Variants in WDFY4 observed in about 807,000 individuals in gnomAD.
WDFY4 encodes WD repeat- and FYVE domain-containing protein 4.
Under a neutral mutation model 351.9 loss-of-function variants are expected in WDFY4, and 169 were observed. The ratio of observed to expected loss-of-function variants is 0.48; its 90% CI spans 0.42 to 0.55. The LOEUF (loss-of-function observed/expected upper bound fraction) is 0.55, where lower values mean the gene tolerates loss of function less well. Ranked by LOEUF, WDFY4 falls within the 20% of genes least tolerant of loss-of-function variation. The pLI, the probability that WDFY4 is intolerant of heterozygous loss-of-function variation, is 0.00. For synonymous variants in WDFY4, 1,622 were observed against 1,574.6 expected, an observed-to-expected ratio of 1.03 and a Z score of -0.71; for missense variants, 3,803 against 3,935.6, an observed-to-expected ratio of 0.97 and a Z score of 0.90.
chr10:48,948,741 C>G (rs933069819), intron 51 of WDFY4, among the ~76,000 whole-genome samples: 5 of 152,264 alleles, frequency 3.3e-5, no homozygotes, highest in African/African-American at 9.6e-5. Context: ...ACCCCCAGCT[C>G]AAGGCTTGAT....
Position 48,900,257 on chromosome 10 carries a change from T to G in WDFY4, c.7474T>G (p.Ser2492Ala). Residue 2492 changes from serine (S) to alanine (A), a missense_variant, in exon 46 of 62, where the codon TCC becomes GCC. This residue lies in a region of WDFY4 where 3,054 missense variants were observed against 3,148.6 expected (regional missense o/e 0.97). Transcript: ENST00000325239. ...GGAGATCTTCTTCCACAATGGATAT[T>G]CCAAGTTTCTTGTCTTCTACAACAA... Reference protein sequence around the residue: ...ALEIFFHNGYSKFLVFYNNDR... With the variant: ...ALEIFFHNGYAKFLVFYNNDR... 1 of 1,551,730 alleles carries G rather than the reference T, an allele frequency of 6.4e-7. No homozygotes were observed. The highest frequency in any genetic ancestry group is 8.7e-7 in the Non-Finnish European group (1 of 1,146,976).
chr10:48,698,356 C>T (rs2063387556), intron 1 of WDFY4, among the ~76,000 whole-genome samples: 1 of 152,220 alleles, frequency 6.6e-6, no homozygotes, highest in Non-Finnish European at 1.5e-5. Flanking sequence ...AAGCTTGTGG[C>T]TGTGGCAGTG....
intron 51 of WDFY4, among the ~76,000 whole-genome samples, chr10:48,953,146 T>C (rs1295920914): frequency 6.6e-6 from 1 of 152,060 alleles, no homozygotes; most frequent in Non-Finnish European, 1.5e-5. Flanking sequence ...CCTTCTCCTT[T>C]GGAGCTCCTG....
intron 39 of WDFY4, among the ~76,000 whole-genome samples, chr10:48,841,265 TC>T (rs1373440667): frequency 6.6e-6 from 1 of 152,240 alleles, no homozygotes; most frequent in Non-Finnish European, 1.5e-5. Flanking sequence ...CACAGACTGT[TC>T]CATTGATATA....
intron 46 of WDFY4, among the ~76,000 whole-genome samples, chr10:48,901,191 A>G (rs75157408): frequency 0.016 from 2,488 of 152,358 alleles, 70 homozygotes; most frequent in African/African-American, 0.055. Context: ...CCTTGGACTC[A>G]GGTGAGCCTG....
At chr10:48,859,466 G>C (rs2069259055) in intron 39 of WDFY4, among the ~76,000 whole-genome samples, 1 of 152,122 alleles carries the variant, frequency 6.6e-6, no homozygotes, top group African/African-American at 2.4e-5. Flanking sequence ...TGTATCACTT[G>C]ATATGACCAT....
Position 48,786,924 on chromosome 10 carries a change from C to T in WDFY4, c.3808+54C>T, listed in dbSNP as rs986432550. The T allele has an allele frequency of 3.4e-6, 5 of 1,464,320 alleles. No individual in the cohort carries two copies. In the African/African-American group the frequency reaches 5.6e-5, roughly 17 times the overall value. The allele number at this position is 1,464,320 out of a possible 1,614,324, so 90.7% of individuals were successfully genotyped here. A position where few individuals can be genotyped will look rare whatever the true frequency, so the allele number is the denominator to read the frequency against. ...TTGCTGATATTAGTTTTTAAATGGA[C>T]ATCCAGTTATTTGTAGCAGATTTGC... On this transcript the variant is annotated intron_variant, in intron 20 of 61. Transcript: ENST00000325239.
Position 48,735,897 on chromosome 10 carries a change from G to A in WDFY4, c.1705G>A (p.Gly569Ser), listed in dbSNP as rs536679531. The stretch of plus-strand genomic sequence containing the variant: ...ATCCTTAGTTGTCCTGAAGGACCAC[G>A]GCATGGTGCCCTTCATCAAGATCTT... The part of the protein sequence containing the change: ...VRNAVVLKDH[G>S]MVPFIKIFLD... Residue 569 changes from glycine to serine, a missense_variant, in exon 11 of 62, where the codon GGC (glycine) becomes AGC (serine). By Grantham distance (56) the Gly-to-Ser change is moderately conservative (BLOSUM62 0). Coordinates refer to ENST00000325239, the MANE Select transcript of WDFY4 (RefSeq NM_001394531.1). 1.7e-5 allele frequency: 27 copies of A among 1,551,584 alleles called. No homozygotes were observed. The highest frequency in any genetic ancestry group is 1.7e-4 in the Middle Eastern group (1 of 5,990).
At chr10:48,875,006 TGTGAATCTGTGGAATTGGAG>T in intron 41 of WDFY4, 63 bp from the exon 42 acceptor site, 1 of 817,220 alleles carries the variant, frequency 1.2e-6, no homozygotes, top group Non-Finnish European at 1.8e-6. Context: ...TGTGCGTGTT[TGTGAATCTGTGGAATTGGAG>T]GTGAGTGAAG....
chr10:48,966,509 G>T lies in WDFY4; in HGVS notation c.8437-17G>T. On this transcript the variant is annotated splice_polypyrimidine_tract_variant and intron_variant, in intron 54 of 61. Transcript: ENST00000325239. ...GGCATCTCTCCCCTCATGTGTGTCT[G>T]TTCCCTGTCTCTCTAGCTCTTTACC... 1 of 1,550,704 alleles carries T rather than the reference G, an allele frequency of 6.4e-7. No homozygotes were observed. Among genetic ancestry groups the T allele is most frequent in the Non-Finnish European group, 8.7e-7 (1 of 1,146,190 alleles).
At chr10:48,911,745 T>C (rs1039443539) in intron 47 of WDFY4, among the ~76,000 whole-genome samples, 1 of 152,338 alleles carries the variant, frequency 6.6e-6, no homozygotes. Context: ...TGATGAATGC[T>C]TTAAGCTACT....
chr10:48,822,303 A>G, intron 34 of WDFY4, 77 bp from the exon 35 acceptor site: 1 of 1,393,080 alleles, frequency 7.2e-7, no homozygotes, highest in African/African-American at 1.4e-5. Context: ...GCAGTTGGTC[A>G]CTACAGGGGG....
chr10:48,712,781 T>C (rs2063800089), intron 2 of WDFY4, among the ~76,000 whole-genome samples: 1 of 152,196 alleles, frequency 6.6e-6, no homozygotes, highest in Non-Finnish European at 1.5e-5. Context: ...CACAAAGCAG[T>C]GTTCTTTAAG....
intron 12 of WDFY4, among the ~76,000 whole-genome samples, chr10:48,759,462 A>G (rs2065435103): frequency 1.3e-5 from 2 of 152,144 alleles, no homozygotes; most frequent in African/African-American, 4.8e-5. Context: ...AGCAATGGGA[A>G]TTTTACCTAC....
chr10:48,906,450 A>G (rs1363987977), intron 47 of WDFY4, among the ~76,000 whole-genome samples: 7 of 152,338 alleles, frequency 4.6e-5, no homozygotes, highest in South Asian at 4.1e-4. Context: ...TCCTGTCCCA[A>G]TGGTACAGGA....
chr10:48,787,965 TCTTCTTCTTCTTCTTCTTCTC>T (rs2066534993), intron 20 of WDFY4, among the ~76,000 whole-genome samples: 20 of 93,464 alleles, frequency 2.1e-4, no homozygotes, highest in South Asian at 7.6e-4. Context: ...TTCTTCTTCT[TCTTCTTCTTCTTCTTCTTCTC>T]CTTCTCCTTC....
chr10:48,805,799 G>A (rs924992659), intron 26 of WDFY4, among the ~76,000 whole-genome samples: 2 of 152,186 alleles, frequency 1.3e-5, no homozygotes, highest in African/African-American at 4.8e-5. Flanking sequence ...CTATCTAATT[G>A]ATCAGGTAGA....
intron 47 of WDFY4, among the ~76,000 whole-genome samples, chr10:48,926,543 C>A (rs150557380): frequency 6.6e-6 from 1 of 152,148 alleles, no homozygotes; most frequent in South Asian, 2.1e-4. Context: ...GTTCCACTGA[C>A]CTTTTGGAGG....
chr10:48,977,181 C>T (rs1842605626), intron 59 of WDFY4: 1 of 376,626 alleles, frequency 2.7e-6, no homozygotes, highest in Admixed American at 4.6e-5. Flanking sequence ...GTATTACACA[C>T]ACAGACACAC....
Sources: gnomAD v4.1 joint callset for allele counts (sites outside exome capture counted in the v4.1 genomes callset) on GRCh38, gnomAD v4.1.1 for gene constraint, gnomAD v4.1.1 regional missense constraint, MANE v1.5 for transcripts, NCBI Gene and HGNC (gene_info 2026-07-23, HGNC 2026-07-21) for gene names.